The following ME2 variants were observed in gnomAD, a reference collection of about 807,000 sequenced individuals.
ME2 encodes the protein malic enzyme 2.
Under a neutral mutation model 73.7 loss-of-function variants are expected in ME2, and 60 were observed. That is an observed-to-expected ratio of 0.81 (90% CI 0.66 to 1.01). The LOEUF (loss-of-function observed/expected upper bound fraction) is 1.01, where lower values mean the gene tolerates loss of function less well. Ranked by LOEUF, ME2 falls within the 50% of genes least tolerant of loss-of-function variation. The pLI, the probability that ME2 is intolerant of heterozygous loss-of-function variation, is 0.00. For synonymous variants in ME2, 199 were observed against 236.9 expected (o/e 0.84, Z 1.47); for missense variants, 594 against 705.5 (o/e 0.84, Z 1.79).
intron 1 of ME2, among the ~76,000 whole-genome samples, chr18:50,888,127 A>C (rs1270686301): frequency 6.6e-6 from 1 of 152,162 alleles, no homozygotes; most frequent in African/African-American, 2.4e-5. Context: ...AGATCACTTG[A>C]GCCCAGAAGT....
chr18:50,899,494 A>G (rs906691984), intron 2 of ME2, among the ~76,000 whole-genome samples: 9 of 152,072 alleles, frequency 5.9e-5, no homozygotes, highest in African/African-American at 1.2e-4. Context: ...GTGCATGCCT[A>G]TAGTTTCAGC....
Position 50,949,287 on chromosome 18 carries a change from CCTTT to C in ME2, c.*2108_*2111del, listed in dbSNP as rs1243965595. ...TTTTTCATAACATACGGTCACAATT[CCTTT>C]CTTTTAATTAAAGACAAAAGGTTTA... On this transcript the variant is annotated 3_prime_UTR_variant, in exon 16 of 16. Transcript: ENST00000321341. 1 of 152,168 alleles carries C rather than the reference CCTTT, an allele frequency of 6.6e-6. No individual in the cohort carries two copies. Among genetic ancestry groups the C allele is most frequent in the Non-Finnish European group, 1.5e-5 (1 of 68,030 alleles). The allele number at this position is 152,168 out of a possible 1,614,324, so 9.4% of individuals were successfully genotyped here.
chr18:50,916,029 C>A, intron 4 of ME2, 139 bp from the exon 5 acceptor site: 2 of 592,510 alleles, frequency 3.4e-6, no homozygotes, highest in South Asian at 2.4e-5. Context: ...GAAAATAAAC[C>A]AGTGTGACTT....
At chr18:50,933,972 T>C (rs1383056046) in intron 13 of ME2, 1 of 152,216 alleles carries the variant, frequency 6.6e-6, no homozygotes, top group Non-Finnish European at 1.5e-5. Flanking sequence ...GCTCCATGCA[T>C]GTTACTGCAA....
At chr18:50,943,528 T>C (rs1392496108) in intron 15 of ME2, among the ~76,000 whole-genome samples, 1 of 152,144 alleles carries the variant, frequency 6.6e-6, no homozygotes, top group Admixed American at 6.5e-5. Flanking sequence ...GGTCTCAAAC[T>C]CCTGAGCTCA....
At chr18:50,924,060 T>C in intron 10 of ME2, 38 bp from the exon 11 acceptor site, 1 of 1,312,766 alleles carries the variant, frequency 7.6e-7, no homozygotes, top group Non-Finnish European at 1.1e-6. Flanking sequence ...TTAATATGCA[T>C]TGACTAAAAA....
At chr18:50,931,105 A>G (rs1271104133) in intron 12 of ME2, among the ~76,000 whole-genome samples, 1 of 152,250 alleles carries the variant, frequency 6.6e-6, no homozygotes, top group East Asian at 1.9e-4. Context: ...AAGGGTCTAC[A>G]ATGCTATAAA....
At chr18:50,922,046 C>T (rs530579634) in intron 10 of ME2, among the ~76,000 whole-genome samples, 7 of 152,284 alleles carry the variant, frequency 4.6e-5, no homozygotes, top group African/African-American at 4.8e-5. Flanking sequence ...GTATAGCTGT[C>T]GCTTGGCATT....
At chr18:50,940,467 C>G in intron 15 of ME2, 81 bp downstream of exon 15, 1 of 986,174 alleles carries the variant, frequency 1.0e-6, no homozygotes, top group Non-Finnish European at 1.5e-6. Context: ...TAAGATAAAT[C>G]TGAAACATTT....
intron 1 of ME2, among the ~76,000 whole-genome samples, chr18:50,879,921 A>G (rs543034627): frequency 6.6e-6 from 1 of 152,148 alleles, no homozygotes; most frequent in Non-Finnish European, 1.5e-5. Flanking sequence ...AGGTGGTCCT[A>G]GGTTTCGACT....
chr18:50,897,880 A>G (rs1916788481), intron 2 of ME2, among the ~76,000 whole-genome samples: 1 of 152,136 alleles, frequency 6.6e-6, no homozygotes, highest in African/African-American at 2.4e-5. Context: ...AGAAAAAGAA[A>G]AAGAAAAAAA....
At chr18:50,931,840 A>AATTTTTTGT (rs573695073) in intron 12 of ME2, among the ~76,000 whole-genome samples, 5 of 151,612 alleles carry the variant, frequency 3.3e-5, no homozygotes, top group African/African-American at 4.8e-5. Flanking sequence ...ACACCCAGCT[A>AATTTTTTGT]ATTTTTTGTA....
intron 1 of ME2, among the ~76,000 whole-genome samples, chr18:50,894,023 C>T (rs2144193839): frequency 6.6e-6 from 1 of 152,266 alleles, no homozygotes; most frequent in Non-Finnish European, 1.5e-5. Flanking sequence ...GTGAAACATT[C>T]TTGGCAATGT....
chr18:50,887,529 A>G (rs1360548933), intron 1 of ME2, among the ~76,000 whole-genome samples: 1 of 152,234 alleles, frequency 6.6e-6, no homozygotes, highest in Non-Finnish European at 1.5e-5. Flanking sequence ...TCTCTCCATA[A>G]ATGAAGACTG....
At chr18:50,943,029 T>C (rs948998054) in intron 15 of ME2, among the ~76,000 whole-genome samples, 1 of 152,170 alleles carries the variant, frequency 6.6e-6, no homozygotes, top group South Asian at 2.1e-4. Context: ...ACTCCTAGGC[T>C]CAAGTGATCC....
chr18:50,930,777 G>A (rs910092060), intron 12 of ME2, among the ~76,000 whole-genome samples: 4 of 152,114 alleles, frequency 2.6e-5, no homozygotes, highest in Non-Finnish European at 5.9e-5. Context: ...TGTACTTATT[G>A]TGATAACATG....
intron 1 of ME2, among the ~76,000 whole-genome samples, chr18:50,883,551 G>A (rs933691295): frequency 2.0e-5 from 3 of 152,298 alleles, no homozygotes; most frequent in South Asian, 2.1e-4. Context: ...AAGAAACCAC[G>A]GGCATATTCC....
intron 13 of ME2, 51 bp downstream of exon 13, chr18:50,932,411 A>T: frequency 7.1e-7 from 1 of 1,410,280 alleles, no homozygotes; most frequent in Non-Finnish European, 1.0e-6. Flanking sequence ...TTATGTAAAA[A>T]TACTTAATGG....
intron 1 of ME2, among the ~76,000 whole-genome samples, chr18:50,882,921 C>G (rs1916358653): frequency 6.6e-6 from 1 of 152,078 alleles, no homozygotes; most frequent in African/African-American, 2.4e-5. Flanking sequence ...TGTACTCCAG[C>G]CTGGGCGACA....
Sources: allele counts gnomAD v4.1 joint callset (sites outside exome capture counted in the v4.1 genomes callset), GRCh38; gene constraint gnomAD v4.1.1; transcripts MANE v1.5; gene names NCBI Gene and HGNC (gene_info 2026-07-23, HGNC 2026-07-21).